The following ZPBP variants were observed in gnomAD, a reference collection of about 807,000 sequenced individuals.
ZPBP encodes the protein zona pellucida-binding protein 1.
A neutral mutation model predicts 44.8 loss-of-function variants in ZPBP; 26 were observed. The observed-to-expected ratio is 0.58, with a 90% CI of 0.43 to 0.81. The LOEUF (loss-of-function observed/expected upper bound fraction) is 0.81. Ranked by LOEUF, ZPBP falls within the 30% of genes least tolerant of loss-of-function variation. The probability of loss-of-function intolerance (pLI) is 0.00; values close to 1 mark genes in which losing one functional copy is unlikely to be tolerated. For missense variants in ZPBP, 409 were observed against 434.0 expected, an observed-to-expected ratio of 0.94 and a Z score of 0.51; for synonymous variants, 174 against 153.2, an observed-to-expected ratio of 1.14 and a Z score of -1.00.
intron 1 of ZPBP, chr7:49,912,380 C>A: frequency 1.9e-6 from 1 of 532,326 alleles, no homozygotes; most frequent in Non-Finnish European, 3.2e-6. Context: ...TCAACAAGAA[C>A]TTTGGGCATA....
chr7:49,886,227 T>A (rs1374904893), intron 2 of ZPBP, among the ~76,000 whole-genome samples: 2 of 152,208 alleles, frequency 1.3e-5, no homozygotes, highest in African/African-American at 2.4e-5. Context: ...GTGCTTCTAC[T>A]GTACTGAAAT....
Position 50,068,358 on chromosome 7 carries a change from C to T in ZPBP, c.335-10217G>A, listed in dbSNP as rs149136210. Among the ~76,000 whole-genome samples the T allele has an allele frequency of 3.7e-4, 56 of 151,956 alleles. No individual in the cohort carries two copies. In the East Asian group the frequency reaches 6.8e-3, roughly 18 times the overall value. ...AGCACATCTGAGCTTTCTCCTGACA[C>T]TTTATAGCCTGTCTTTCACAGCAGG... On this transcript the variant is annotated intron_variant, in intron 3 of 7. Transcript: ENST00000046087.
intron 7 of ZPBP, among the ~76,000 whole-genome samples, chr7:49,962,499 A>G (rs1186023129): frequency 6.6e-6 from 1 of 151,890 alleles, no homozygotes; most frequent in Admixed American, 6.6e-5. Context: ...CAACCTGATT[A>G]ATGGCATTTA....
chr7:49,966,378 G>GA (rs757066226), intron 7 of ZPBP, among the ~76,000 whole-genome samples: 2 of 151,928 alleles, frequency 1.3e-5, no homozygotes, highest in Admixed American at 1.3e-4. Flanking sequence ...ACATATGAGG[G>GA]AAAAATATAT....
At chr7:49,856,853 C>T (rs928002158) in intron 2 of ZPBP, among the ~76,000 whole-genome samples, 1 of 151,548 alleles carries the variant, frequency 6.6e-6, no homozygotes, top group East Asian at 1.9e-4. Context: ...ACTAAAAATA[C>T]AAAAAATTAG....
chr7:49,921,074 T>C (rs1793996334), intron 1 of ZPBP: 1 of 152,230 alleles, frequency 6.6e-6, no homozygotes, highest in East Asian at 1.9e-4. Flanking sequence ...TAACCACTAA[T>C]AAATCATCAG....
At chr7:50,059,154 C>T (rs976628021) in intron 3 of ZPBP, among the ~76,000 whole-genome samples, 2 of 152,140 alleles carry the variant, frequency 1.3e-5, no homozygotes, top group African/African-American at 4.8e-5. Context: ...ACTGAAAGTA[C>T]TACATCAGGA....
At chr7:50,054,728 A>G (rs1297213822) in intron 4 of ZPBP, among the ~76,000 whole-genome samples, 1 of 152,188 alleles carries the variant, frequency 6.6e-6, no homozygotes, top group Non-Finnish European at 1.5e-5. Context: ...AAAATTTTTA[A>G]GTTTGCAATT....
chr7:50,055,245 G>A (rs985999484), intron 4 of ZPBP, among the ~76,000 whole-genome samples: 4 of 152,134 alleles, frequency 2.6e-5, no homozygotes, highest in African/African-American at 9.7e-5. Context: ...ACCATCTGAG[G>A]AAGGGAAAAT....
At chr7:49,941,623 T>C (rs1261703321) in intron 7 of ZPBP, among the ~76,000 whole-genome samples, 2 of 152,124 alleles carry the variant, frequency 1.3e-5, no homozygotes, top group African/African-American at 4.8e-5. Flanking sequence ...CCAAAAATTG[T>C]TGAAAAAAAT....
chr7:49,881,694 T>C (rs1399065617), intron 2 of ZPBP, among the ~76,000 whole-genome samples: 1 of 152,180 alleles, frequency 6.6e-6, no homozygotes, highest in Non-Finnish European at 1.5e-5. Flanking sequence ...AAGTCTTTGG[T>C]TTGGTTAGAT....
intron 6 of ZPBP, among the ~76,000 whole-genome samples, chr7:50,004,103 A>C (rs1798205133): frequency 6.6e-6 from 1 of 152,118 alleles, no homozygotes; most frequent in East Asian, 1.9e-4. Context: ...GCAGAGACTG[A>C]CATGTGAGTC....
At chr7:50,082,614 C>A (rs1030700406) in intron 2 of ZPBP, among the ~76,000 whole-genome samples, 1 of 151,652 alleles carries the variant, frequency 6.6e-6, no homozygotes, top group African/African-American at 2.4e-5. Context: ...TTTCTGTGAT[C>A]GAGTAAAATA....
At chr7:50,070,338 C>T (rs931277805) in intron 3 of ZPBP, among the ~76,000 whole-genome samples, 1 of 152,240 alleles carries the variant, frequency 6.6e-6, no homozygotes, top group Non-Finnish European at 1.5e-5. Context: ...ATGGGAAGGG[C>T]TTTCCTGTCT....
intron 1 of ZPBP, 70 bp from the exon 2 acceptor site, chr7:50,089,779 A>G: frequency 4.9e-6 from 6 of 1,227,144 alleles, no homozygotes; most frequent in Non-Finnish European, 7.1e-6. Context: ...CTATTACAGT[A>G]TCTTTGGTAT....
intron 1 of ZPBP, among the ~76,000 whole-genome samples, chr7:49,908,586 C>A (rs912400804): frequency 6.6e-6 from 1 of 151,560 alleles, no homozygotes; most frequent in Non-Finnish European, 1.5e-5. Context: ...TTATGTGTTC[C>A]TATCTGTGCC....
downstream of ZPBP, among the ~76,000 whole-genome samples, chr7:49,935,307 A>G (rs1794583472): frequency 6.6e-6 from 1 of 152,200 alleles, no homozygotes; most frequent in Non-Finnish European, 1.5e-5. Context: ...TATAACGAAG[A>G]ACATTTTACT....
In ZPBP at chr7:50,093,239, T is replaced by C. The variant is rs1465904466; in HGVS notation, c.-45A>G. The C allele has an allele frequency of 6.8e-7, 1 of 1,478,660 alleles. No individual in the cohort carries two copies. Among genetic ancestry groups the C allele is most frequent in the Non-Finnish European group, 8.9e-7 (1 of 1,119,908 alleles). The allele number at this position is 1,478,660 out of a possible 1,614,324, so 91.6% of individuals were successfully genotyped here. A position where few individuals can be genotyped will look rare whatever the true frequency, so the allele number is the denominator to read the frequency against. ...GCCCACCGTCCGCGCGGAAGGTCGT[T>C]AGGCAACGCGCGCCCACCTGCAGCC... On this transcript the variant is annotated 5_prime_UTR_variant, in exon 1 of 8. Coordinates refer to ENST00000046087, the MANE Select transcript of ZPBP (RefSeq NM_007009.3).
At chr7:49,978,495 G>C (rs908530048) in intron 7 of ZPBP, among the ~76,000 whole-genome samples, 1 of 151,992 alleles carries the variant, frequency 6.6e-6, no homozygotes, top group African/African-American at 2.4e-5. Flanking sequence ...CTTCCAGAAG[G>C]AAAAGAACAA....
Sources: allele counts gnomAD v4.1 joint callset (sites outside exome capture counted in the v4.1 genomes callset), GRCh38; gene constraint gnomAD v4.1.1; transcripts MANE v1.5; gene names NCBI Gene and HGNC (gene_info 2026-07-23, HGNC 2026-07-21).